Variants in B3GALT1 observed in about 807,000 individuals in gnomAD.
B3GALT1 encodes UDP-Gal:betaGlcNAc beta 1,3-galactosyltransferase, polypeptide 1.
Under a neutral mutation model 23.2 loss-of-function variants are expected in B3GALT1, and 10 were observed. That is an observed-to-expected ratio of 0.43 (90% CI 0.27 to 0.73). B3GALT1 has a LOEUF of 0.73. B3GALT1 is among the 30% of genes least tolerant of loss of function. The probability of loss-of-function intolerance (pLI) is 0.21; values close to 1 mark genes in which losing one functional copy is unlikely to be tolerated. For missense variants in B3GALT1, 299 were observed against 405.4 expected, an observed-to-expected ratio of 0.74 and a Z score of 2.25; for synonymous variants, 156 against 141.5, an observed-to-expected ratio of 1.10 and a Z score of -0.73.
chr2:167,633,510 CA>C (rs544352003), intron 2 of B3GALT1, among the ~76,000 whole-genome samples: 2 of 149,106 alleles, frequency 1.3e-5, no homozygotes, highest in African/African-American at 2.5e-5. Context: ...ATAGCAACAA[CA>C]AAAAAAAACC....
At chr2:167,514,922 A>G (rs1700078363) in intron 2 of B3GALT1, among the ~76,000 whole-genome samples, 1 of 152,144 alleles carries the variant, frequency 6.6e-6, no homozygotes, top group Non-Finnish European at 1.5e-5. Flanking sequence ...AAAATAGGTA[A>G]TAGGAACTGG....
intron 2 of B3GALT1, among the ~76,000 whole-genome samples, chr2:167,555,557 C>G (rs1683830616): frequency 6.6e-6 from 1 of 152,136 alleles, no homozygotes; most frequent in South Asian, 2.1e-4. Flanking sequence ...GTTATAAAAG[C>G]TGCTTTCCAG....
At chr2:167,716,685 T>C (rs1409808517) in intron 3 of B3GALT1, among the ~76,000 whole-genome samples, 1 of 152,244 alleles carries the variant, frequency 6.6e-6, no homozygotes. Flanking sequence ...TAATTGTTGA[T>C]ACTTTAGTGC....
rs538165210 is a variant in B3GALT1 at position 167,681,806 on chromosome 2, T to C, written c.-352+34840T>C. Among the ~76,000 whole-genome samples the C allele has an allele frequency of 1.4e-3, 215 of 152,286 alleles. 1 individual carries two copies. Among genetic ancestry groups the C allele is most frequent in the South Asian group, 0.01 (50 of 4,822 alleles). Reference sequence around the variant, plus strand: ...TACAGCCAAGATGCTCATGGCACCGTGCAGGCCCTAAATCTAAAGAGGATA... The same window carrying C: ...TACAGCCAAGATGCTCATGGCACCGCGCAGGCCCTAAATCTAAAGAGGATA... On this transcript the variant is annotated intron_variant, in intron 3 of 4. Transcript: ENST00000392690.
At chr2:167,448,463 G>T (rs752286099) in intron 1 of B3GALT1, among the ~76,000 whole-genome samples, 12 of 151,670 alleles carry the variant, frequency 7.9e-5, no homozygotes, top group Non-Finnish European at 1.3e-4. Flanking sequence ...TGGGATTGTT[G>T]GTTTTTTTGT....
intron 3 of B3GALT1, among the ~76,000 whole-genome samples, chr2:167,672,032 T>C (rs1457391433): frequency 1.3e-5 from 2 of 152,250 alleles, no homozygotes; most frequent in East Asian, 3.9e-4. Context: ...AAGAAATGGA[T>C]AAATTCCTGG....
intron 4 of B3GALT1, among the ~76,000 whole-genome samples, chr2:167,837,467 G>C (rs1437824600): frequency 6.7e-5 from 10 of 150,062 alleles, no homozygotes; most frequent in Non-Finnish European, 1.5e-4. Flanking sequence ...AATTCCACAA[G>C]AAGAGCTAAC....
chr2:167,411,560 G>A (rs1168569945), intron 1 of B3GALT1, among the ~76,000 whole-genome samples: 1 of 152,068 alleles, frequency 6.6e-6, no homozygotes, highest in Non-Finnish European at 1.5e-5. Context: ...CAATAGACAG[G>A]CAATGACATC....
At chr2:167,438,923 G>GA (rs1347738460) in intron 1 of B3GALT1, among the ~76,000 whole-genome samples, 1 of 152,184 alleles carries the variant, frequency 6.6e-6, no homozygotes, top group Non-Finnish European at 1.5e-5. Flanking sequence ...TCCCATGGAA[G>GA]TGTGTCCATC....
At chr2:167,853,398 TC>T (rs1167852662) in intron 4 of B3GALT1, among the ~76,000 whole-genome samples, 2 of 152,170 alleles carry the variant, frequency 1.3e-5, no homozygotes, top group Admixed American at 6.5e-5. Flanking sequence ...TATTGTCTCT[TC>T]CATGGATCTA....
intron 2 of B3GALT1, among the ~76,000 whole-genome samples, chr2:167,601,217 G>A (rs139947323): frequency 3.5e-3 from 528 of 152,072 alleles, no homozygotes; most frequent in South Asian, 0.012. Flanking sequence ...GTGCCACCAC[G>A]CCCAGCTAAT....
intron 1 of B3GALT1, among the ~76,000 whole-genome samples, chr2:167,300,685 A>G (rs1272591069): frequency 6.6e-6 from 1 of 152,184 alleles, no homozygotes; most frequent in African/African-American, 2.4e-5. Flanking sequence ...AATGATTAAT[A>G]TATGGTTCTG....
At chr2:167,447,358 G>A (rs538922113) in intron 1 of B3GALT1, among the ~76,000 whole-genome samples, 181 of 152,304 alleles carry the variant, frequency 1.2e-3, no homozygotes, top group Admixed American at 2.2e-3. Context: ...CTCAAACTCC[G>A]TGCTTGGAGA....
intron 2 of B3GALT1, among the ~76,000 whole-genome samples, chr2:167,493,445 A>G (rs966816341): frequency 5.3e-5 from 8 of 152,190 alleles, no homozygotes; most frequent in Non-Finnish European, 1.2e-4. Flanking sequence ...ATACCAGACA[A>G]GCTTTATAAT....
chr2:167,582,458 C>T (rs1684501881), intron 2 of B3GALT1, among the ~76,000 whole-genome samples: 1 of 152,194 alleles, frequency 6.6e-6, no homozygotes, highest in Non-Finnish European at 1.5e-5. Context: ...TAAAACTGCT[C>T]TTATGTCTTT....
At chr2:167,547,147 C>T (rs1034880597) in intron 2 of B3GALT1, among the ~76,000 whole-genome samples, 6 of 152,192 alleles carry the variant, frequency 3.9e-5, no homozygotes, top group East Asian at 1.9e-4. Context: ...TTGCAGCAGA[C>T]GCTGTACTGC....
chr2:167,626,063 A>G (rs1261029922), intron 2 of B3GALT1, among the ~76,000 whole-genome samples: 1 of 149,980 alleles, frequency 6.7e-6, no homozygotes, highest in Non-Finnish European at 1.5e-5. Context: ...AGCTCAACTG[A>G]AAGTACAGCA....
chr2:167,826,180 CG>C (rs1689220435), intron 4 of B3GALT1, among the ~76,000 whole-genome samples: 1 of 152,086 alleles, frequency 6.6e-6, no homozygotes, highest in Non-Finnish European at 1.5e-5. Context: ...CTAGGTCACA[CG>C]GCAGGGAATG....
intron 2 of B3GALT1, among the ~76,000 whole-genome samples, chr2:167,537,974 C>T (rs555124673): frequency 3.3e-5 from 5 of 152,060 alleles, no homozygotes; most frequent in Non-Finnish European, 7.4e-5. Flanking sequence ...AGGCAAGTGC[C>T]ACCACGCCTG....
Sources: allele counts gnomAD v4.1 joint callset (sites outside exome capture counted in the v4.1 genomes callset), GRCh38; gene constraint gnomAD v4.1.1; transcripts MANE v1.5; gene names NCBI Gene and HGNC (gene_info 2026-07-23, HGNC 2026-07-21).